EIF3H: variants seen among roughly 807,000 people sequenced by gnomAD.
The protein encoded by EIF3H is eIF-3-gamma.
A neutral mutation model predicts 44.2 loss-of-function variants in EIF3H; 26 were observed. That is an observed-to-expected ratio of 0.59 (90% confidence interval 0.43 to 0.82). EIF3H has a LOEUF of 0.82. Ranked by LOEUF, EIF3H falls within the 40% of genes least tolerant of loss-of-function variation. EIF3H has a pLI of 0.00. For missense variants in EIF3H, 359 were observed against 432.8 expected (o/e 0.83, Z 1.51); for synonymous variants, 166 against 151.9 (o/e 1.09, Z -0.68).
At chr8:116,688,449 G>A (rs1299242609) in intron 2 of EIF3H, among the ~76,000 whole-genome samples, 3 of 152,068 alleles carry the variant, frequency 2.0e-5, no homozygotes, top group African/African-American at 7.2e-5. Flanking sequence ...AATGAAAAAT[G>A]AACTACAGAA....
At chr8:116,731,779 C>T (rs117853004) in intron 1 of EIF3H, among the ~76,000 whole-genome samples, 4,028 of 152,280 alleles carry the variant, frequency 0.026, 80 homozygotes, top group Non-Finnish European at 0.044. Flanking sequence ...AGAACCGATG[C>T]TGACTAGATT....
At chr8:116,669,925 C>T (rs533196243) in intron 2 of EIF3H, among the ~76,000 whole-genome samples, 40 of 152,288 alleles carry the variant, frequency 2.6e-4, no homozygotes, top group African/African-American at 7.9e-4. Context: ...TTCTACCAAA[C>T]ACTTTTCGTA....
chr8:116,738,157 T>C (rs1007355563), intron 1 of EIF3H, among the ~76,000 whole-genome samples: 2 of 151,416 alleles, frequency 1.3e-5, no homozygotes, highest in African/African-American at 4.9e-5. Flanking sequence ...CAAAAAAAAC[T>C]AAGGAAAAAG....
chr8:116,763,028 A>C (rs1413625324), intron 1 of EIF3H, among the ~76,000 whole-genome samples: 1 of 152,238 alleles, frequency 6.6e-6, no homozygotes, highest in Non-Finnish European at 1.5e-5. Flanking sequence ...TCAGGAGTCT[A>C]TTCCTACAAA....
At chr8:116,739,416 C>T (rs1301824897) in intron 1 of EIF3H, among the ~76,000 whole-genome samples, 6 of 152,168 alleles carry the variant, frequency 3.9e-5, no homozygotes, top group African/African-American at 1.2e-4. Flanking sequence ...TTTTGGAGGC[C>T]GCGGCGGGCA....
chr8:116,731,727 G>A (rs780748468), intron 1 of EIF3H, among the ~76,000 whole-genome samples: 3 of 152,152 alleles, frequency 2.0e-5, no homozygotes, highest in Non-Finnish European at 2.9e-5. Context: ...AGCACAGTAA[G>A]ACTTACACCT....
intron 2 of EIF3H, among the ~76,000 whole-genome samples, chr8:116,664,320 T>C (rs10505282): frequency 0.89 from 135,277 of 152,264 alleles, 60,391 homozygotes; most frequent in African/African-American, 0.96. Context: ...CTTGTTTTAC[T>C]GTCACATATG....
At chr8:116,680,301 C>T (rs1460372839) in intron 2 of EIF3H, among the ~76,000 whole-genome samples, 2 of 43,150 alleles carry the variant, frequency 4.6e-5, no homozygotes, top group African/African-American at 7.3e-5. Context: ...CCCCTCTGCC[C>T]GGCCACGACC....
chr8:116,747,307 C>G (rs1815254644), intron 1 of EIF3H, among the ~76,000 whole-genome samples: 1 of 152,178 alleles, frequency 6.6e-6, no homozygotes, highest in Non-Finnish European at 1.5e-5. Flanking sequence ...CTCAGGTGAT[C>G]CGCCCACCTC....
At chr8:116,703,037 C>A (rs1294250847) in intron 2 of EIF3H, among the ~76,000 whole-genome samples, 1 of 151,976 alleles carries the variant, frequency 6.6e-6, no homozygotes, top group African/African-American at 2.4e-5. Flanking sequence ...GGTGCCAAGG[C>A]AAGAGACTGA....
intron 2 of EIF3H, among the ~76,000 whole-genome samples, chr8:116,703,369 C>G (rs971059253): frequency 1.3e-5 from 2 of 149,692 alleles, no homozygotes; most frequent in Non-Finnish European, 3.0e-5. Flanking sequence ...GTCTCCCTTT[C>G]CCCGGGGGAG....
chr8:116,751,839 G>A (rs1815349104), intron 1 of EIF3H, among the ~76,000 whole-genome samples: 3 of 152,188 alleles, frequency 2.0e-5, no homozygotes, highest in Non-Finnish European at 1.5e-5. Flanking sequence ...TCCATTTAAA[G>A]TCTCAAAACA....
intron 2 of EIF3H, among the ~76,000 whole-genome samples, chr8:116,679,193 A>G (rs1279951250): frequency 4.1e-5 from 3 of 73,510 alleles, no homozygotes; most frequent in Non-Finnish European, 6.5e-5. Flanking sequence ...CCGCCCGGCC[A>G]GCCGCCCCGT....
chr8:116,735,494 A>C (rs902065696), intron 1 of EIF3H, among the ~76,000 whole-genome samples: 10 of 152,202 alleles, frequency 6.6e-5, no homozygotes, highest in African/African-American at 2.2e-4. Context: ...AACAGCTAAA[A>C]ACCGGAATCA....
chr8:116,721,705 C>T (rs529378229), intron 2 of EIF3H, among the ~76,000 whole-genome samples: 5 of 152,240 alleles, frequency 3.3e-5, no homozygotes, highest in Non-Finnish European at 7.3e-5. Context: ...GAATGTGAGA[C>T]ATGGAGTCAA....
chr8:116,726,209 A>G, intron 1 of EIF3H, 37 bp from the exon 2 acceptor site: 1 of 1,557,946 alleles, frequency 6.4e-7, no homozygotes, highest in Non-Finnish European at 8.7e-7. Context: ...CTTAACAACC[A>G]TCCTAGTTTA....
At chr8:116,655,365 C>T (rs905976766) in intron 5 of EIF3H, among the ~76,000 whole-genome samples, 1 of 151,434 alleles carries the variant, frequency 6.6e-6, no homozygotes, top group African/African-American at 2.4e-5. Context: ...TCAGAAAATT[C>T]AAATTTTAGT....
intron 2 of EIF3H, among the ~76,000 whole-genome samples, chr8:116,677,620 T>A (rs1813871226): frequency 6.6e-6 from 1 of 152,230 alleles, no homozygotes; most frequent in Non-Finnish European, 1.5e-5. Context: ...GAGCACCTAT[T>A]ACACTTCAAT....
intron 1 of EIF3H, among the ~76,000 whole-genome samples, chr8:116,747,114 G>A (rs1306632004): frequency 2.0e-5 from 3 of 152,112 alleles, no homozygotes; most frequent in Non-Finnish European, 4.4e-5. Flanking sequence ...CCAGGTTGGA[G>A]TGCAGTGGTG....
Sources: gnomAD v4.1 joint callset for allele counts (sites outside exome capture counted in the v4.1 genomes callset) on GRCh38, gnomAD v4.1.1 for gene constraint, MANE v1.5 for transcripts, NCBI Gene and HGNC (gene_info 2026-07-23, HGNC 2026-07-21) for gene names.